Variants in ZFHX3 observed in about 807,000 individuals in gnomAD.
ZFHX3 encodes zinc finger homeobox protein 3.
Under a neutral mutation model 279.1 loss-of-function variants are expected in ZFHX3, and 42 were observed. That is an observed-to-expected ratio of 0.15 (90% CI 0.12 to 0.19). The LOEUF is 0.19. Among genes scored for constraint, ZFHX3 ranks in the 10% least tolerant of loss-of-function variants. The pLI, the probability that ZFHX3 is intolerant of heterozygous loss-of-function variation, is 1.00. For synonymous variants in ZFHX3, 2,293 were observed against 1,957.8 expected (o/e 1.17, Z -4.52); for missense variants, 4,981 against 4,754.0 (o/e 1.05, Z -1.40).
Position 73,547,330 on chromosome 16 carries a change from C to T in ZFHX3, c.-1546-91072G>A, listed in dbSNP as rs116130682. On this transcript the variant is annotated intron_variant, in intron 2 of 17. Coordinates refer to the ZFHX3 transcript ENST00000641206. ...AAAGAAAGAAAGAAAAAAACCTGTA[C>T]TATCAAAGCTAATAAAAAGAAAGTA... is the stretch of plus-strand genomic sequence containing the variant. Among the ~76,000 whole-genome samples the T allele has an allele frequency of 7.3e-4, 111 of 152,280 alleles. 1 individual carries two copies. The highest frequency in any genetic ancestry group is 2.3e-3 in the African/African-American group (97 of 41,558).
At chr16:72,859,590 T>G (rs1454776500) in intron 4 of ZFHX3, among the ~76,000 whole-genome samples, 1 of 152,238 alleles carries the variant, frequency 6.6e-6, no homozygotes, top group Non-Finnish European at 1.5e-5. Flanking sequence ...GTTTAGGGAT[T>G]TGAAATATAG....
chr16:73,058,329 G>C (rs929055240), intron 1 of ZFHX3, among the ~76,000 whole-genome samples: 1 of 148,118 alleles, frequency 6.8e-6, no homozygotes, highest in Non-Finnish European at 1.5e-5. Context: ...GCGGGACGCA[G>C]CGAGCGAGCA....
chr16:73,379,343 C>G (rs953198584), intron 3 of ZFHX3, among the ~76,000 whole-genome samples: 1 of 151,930 alleles, frequency 6.6e-6, no homozygotes, highest in Non-Finnish European at 1.5e-5. Flanking sequence ...AGCACAGGCC[C>G]CAATCTATCA....
intron 1 of ZFHX3, among the ~76,000 whole-genome samples, chr16:73,855,250 A>G (rs887277948): frequency 2.0e-4 from 23 of 112,316 alleles, no homozygotes; most frequent in Non-Finnish European, 2.9e-4. Flanking sequence ...GTCAAATGCC[A>G]TTCGTTCAAT....
At chr16:72,826,039 C>T (rs997923478) in intron 5 of ZFHX3, among the ~76,000 whole-genome samples, 1 of 152,212 alleles carries the variant, frequency 6.6e-6, no homozygotes, top group African/African-American at 2.4e-5. Context: ...TATAATCTCA[C>T]TGAATTTGTG....
At chr16:73,024,328 C>T (rs1326712022) in intron 1 of ZFHX3, among the ~76,000 whole-genome samples, 3 of 152,158 alleles carry the variant, frequency 2.0e-5, no homozygotes, top group Non-Finnish European at 4.4e-5. Context: ...AGGCAGCAGA[C>T]GCCACTGAAT....
At position 72,811,727 on chromosome 16, in the gene ZFHX3, G is replaced by T. The variant is rs2036455192; in HGVS notation, c.3714C>A (p.Leu1238=). 2 of 1,613,952 alleles carry T rather than the reference G, an allele frequency of 1.2e-6. No homozygotes were observed. Among genetic ancestry groups the T allele is most frequent in the East Asian group, 2.2e-5 (1 of 44,894 alleles). ...CKYSNADVNR[L]RVHAMTQHSV... ...AGTGCTGCGTCATGGCATGCACCCG[G>T]AGCCGGTTGACATCGGCATTACTGT... Residue 1238 remains leucine (L), a synonymous_variant, in exon 7 of 10, where the codon CTC becomes CTA. Coordinates refer to ENST00000268489, the MANE Select transcript of ZFHX3 (RefSeq NM_006885.4).
intron 7 of ZFHX3, among the ~76,000 whole-genome samples, chr16:73,107,976 A>G (rs1187971243): frequency 1.3e-5 from 2 of 152,120 alleles, no homozygotes; most frequent in African/African-American, 4.8e-5. Context: ...CTTGGCTAAC[A>G]CAGTGAAACC....
intron 1 of ZFHX3, among the ~76,000 whole-genome samples, chr16:73,718,062 C>G (rs1355645612): frequency 1.3e-5 from 2 of 152,210 alleles, no homozygotes; most frequent in Non-Finnish European, 2.9e-5. Flanking sequence ...CTTTTCTCCA[C>G]TCCTCCCAGC....
At chr16:73,134,152 T>C (rs1966745590) in intron 6 of ZFHX3, among the ~76,000 whole-genome samples, 1 of 152,020 alleles carries the variant, frequency 6.6e-6, no homozygotes, top group Non-Finnish European at 1.5e-5. Context: ...GTCTCACAGA[T>C]AGTAAATGGT....
intron 3 of ZFHX3, among the ~76,000 whole-genome samples, chr16:73,327,735 C>T (rs184236385): frequency 4.6e-4 from 70 of 152,314 alleles, no homozygotes; most frequent in African/African-American, 1.6e-3. Context: ...TTGAGTTGCC[C>T]TGGAATAGAA....
intron 1 of ZFHX3, among the ~76,000 whole-genome samples, chr16:73,796,232 G>A (rs1297306695): frequency 6.6e-6 from 1 of 152,078 alleles, no homozygotes; most frequent in Non-Finnish European, 1.5e-5. Context: ...TAAACCTTTT[G>A]CACAGCCACT....
intron 2 of ZFHX3, among the ~76,000 whole-genome samples, chr16:73,658,005 C>T (rs2052739808): frequency 6.6e-6 from 1 of 152,110 alleles, no homozygotes; most frequent in Non-Finnish European, 1.5e-5. Flanking sequence ...GACTGTAAGT[C>T]AGAAGACAAA....
At chr16:73,244,786 C>A (rs185793100) in intron 5 of ZFHX3, among the ~76,000 whole-genome samples, 42 of 152,242 alleles carry the variant, frequency 2.8e-4, no homozygotes, top group African/African-American at 9.1e-4. Flanking sequence ...AGGAGATCTC[C>A]CAGCAGCAGG....
intron 5 of ZFHX3, among the ~76,000 whole-genome samples, chr16:73,244,551 G>T (rs1366584528): frequency 6.6e-6 from 1 of 152,226 alleles, no homozygotes; most frequent in East Asian, 1.9e-4. Context: ...GGAGTTTCCA[G>T]GCTGTGGAAA....
chr16:73,356,160 G>T (rs1055983888), intron 3 of ZFHX3, among the ~76,000 whole-genome samples: 2 of 152,154 alleles, frequency 1.3e-5, no homozygotes, highest in Non-Finnish European at 2.9e-5. Context: ...TTTCTGAATG[G>T]CGGAGTCACC....
chr16:73,265,109 G>GTGTA (rs1053383715), intron 4 of ZFHX3, among the ~76,000 whole-genome samples: 8 of 145,344 alleles, frequency 5.5e-5, no homozygotes, highest in East Asian at 4.0e-4. Flanking sequence ...GTGTGTGTGT[G>GTGTA]TATATAACAG....
chr16:72,795,745 G>A lies in ZFHX3; in HGVS notation c.6937C>T (p.Arg2313Cys), dbSNP rs769074546. 5.0e-6 allele frequency: 8 copies of A among 1,614,008 alleles called. No individual in the cohort carries two copies. In the African/African-American group the frequency reaches 8.0e-5, roughly 16 times the overall value. ...NQGEGKDGER[R>C]ELTNDRYIRT... Reference sequence around the variant, plus strand: ...ATGTATCTATCATTTGTAAGCTCACGCCGCTCTCCATCTTTGCCCTCTCCC... The same window carrying A: ...ATGTATCTATCATTTGTAAGCTCACACCGCTCTCCATCTTTGCCCTCTCCC... Residue 2313 changes from arginine (R) to cysteine (C), a missense_variant, in exon 9 of 10, where the codon CGT (arginine) becomes TGT (cysteine). Around this residue, in one of 7 missense-constraint regions of ZFHX3, gnomAD observed 177 missense variants for 244.2 expected, o/e 0.72. Coordinates refer to ENST00000268489, the MANE Select transcript of ZFHX3 (RefSeq NM_006885.4).
At position 73,120,649 on chromosome 16, in the gene ZFHX3, CCTT is replaced by C. The variant is rs1341204541; in HGVS notation, c.-897+10316_-897+10318del. Among the ~76,000 whole-genome samples, 137 of 106,202 alleles carry C rather than the reference CCTT, an allele frequency of 1.3e-3. 4 individuals are homozygous for C. Among genetic ancestry groups the C allele is most frequent in the African/African-American group, 4.6e-3 (132 of 28,688 alleles). The allele number at this position is 106,202 out of a possible 152,430, so 69.7% of individuals were successfully genotyped here. A position where few individuals can be genotyped will look rare whatever the true frequency, so the allele number is the denominator to read the frequency against. On this transcript the variant is annotated intron_variant, in intron 7 of 17. Transcript: ENST00000641206. ...TTGTTTTTCTGCCCTATCCTCTCTA[CCTT>C]TTTTTTTTTTTTTTTTTTTTGAGAC...
Sources: gnomAD v4.1 joint callset for allele counts (sites outside exome capture counted in the v4.1 genomes callset) on GRCh38, gnomAD v4.1.1 for gene constraint, gnomAD v4.1.1 regional missense constraint, MANE v1.5 for transcripts, NCBI Gene and HGNC (gene_info 2026-07-23, HGNC 2026-07-21) for gene names.